RHOT1: variants seen among roughly 807,000 people sequenced by gnomAD.
The protein encoded by RHOT1 is ras homolog family member T1, also known as mitochondrial Rho GTPase 1.
Under a neutral mutation model 95.3 loss-of-function variants are expected in RHOT1, and 27 were observed. The ratio of observed to expected loss-of-function variants is 0.28; its 90% CI spans 0.21 to 0.39. The LOEUF (loss-of-function observed/expected upper bound fraction) is 0.39. Ranked by LOEUF, RHOT1 falls within the 10% of genes least tolerant of loss-of-function variation. RHOT1 has a pLI of 1.00. For missense variants in RHOT1, 578 were observed against 786.7 expected, an observed-to-expected ratio of 0.73 and a Z score of 3.17; for synonymous variants, 227 against 263.5, an observed-to-expected ratio of 0.86 and a Z score of 1.34.
rs756715681 is a variant in RHOT1 at position 32,193,125 on chromosome 17, T to C, written c.640-11T>C. The C allele has an allele frequency of 6.5e-7, 1 of 1,539,312 alleles. No homozygotes were observed. The highest frequency in any genetic ancestry group is 1.8e-5 in the Admixed American group (1 of 56,254). ...GTTTGTTTTTAAATATATTTTTATGTTTTTTGCTAGAGGATTTGTTTCAAC... is the reference window on the plus strand; with the variant it reads ...GTTTGTTTTTAAATATATTTTTATGCTTTTTGCTAGAGGATTTGTTTCAAC... On this transcript the variant is annotated splice_polypyrimidine_tract_variant and intron_variant, in intron 9 of 19. Coordinates refer to ENST00000545287, the MANE Select transcript of RHOT1 (RefSeq NM_001033566.3).
intron 10 of RHOT1, 100 bp from the exon 11 acceptor site, chr17:32,193,887 T>C (rs1187001492): frequency 7.1e-7 from 1 of 1,399,272 alleles, no homozygotes; most frequent in Non-Finnish European, 9.7e-7. Context: ...AATGCAAAGC[T>C]AGCATCCGTA....
At chr17:32,176,106 G>C in intron 5 of RHOT1, 55 bp from the exon 6 acceptor site, 1 of 1,587,572 alleles carries the variant, frequency 6.3e-7, no homozygotes, top group Non-Finnish European at 8.6e-7. Flanking sequence ...TCTAAGGGAA[G>C]AGTGTTTTGT....
chr17:32,159,793 TTGGCA>T (rs1432851414), intron 1 of RHOT1: 1 of 152,414 alleles, frequency 6.6e-6, no homozygotes, highest in East Asian at 1.9e-4. Flanking sequence ...CAGGTACCCT[TTGGCA>T]TGGCCTTGGC....
intron 4 of RHOT1, among the ~76,000 whole-genome samples, chr17:32,175,658 G>T (rs941048528): frequency 2.6e-5 from 4 of 152,146 alleles, no homozygotes; most frequent in African/African-American, 9.7e-5. Context: ...GTTTTGCCAT[G>T]TTAACCAGGC....
chr17:32,149,106 T>C (rs2031823750), intron 1 of RHOT1, among the ~76,000 whole-genome samples: 1 of 152,158 alleles, frequency 6.6e-6, no homozygotes, highest in Admixed American at 6.6e-5. Flanking sequence ...TCAGGCAAAA[T>C]AGAAGAAATA....
At chr17:32,177,647 C>A (rs542302846) in intron 6 of RHOT1, among the ~76,000 whole-genome samples, 2 of 149,340 alleles carry the variant, frequency 1.3e-5, no homozygotes, top group Non-Finnish European at 3.0e-5. Context: ...CCCAGCTACT[C>A]GGGAGGCTGA....
intron 8 of RHOT1, among the ~76,000 whole-genome samples, chr17:32,191,249 AT>A (rs1488988411): frequency 3.9e-5 from 6 of 152,108 alleles, no homozygotes; most frequent in Non-Finnish European, 8.8e-5. Flanking sequence ...GAAGATAATT[AT>A]TTTCTTTCCT....
intron 1 of RHOT1, among the ~76,000 whole-genome samples, chr17:32,169,638 C>A (rs1207814680): frequency 6.6e-6 from 1 of 152,144 alleles, no homozygotes; most frequent in Non-Finnish European, 1.5e-5. Flanking sequence ...TAAAAAAGAT[C>A]TTGTGCACTA....
chr17:32,185,985 G>A (rs1010913390), intron 8 of RHOT1, among the ~76,000 whole-genome samples: 2 of 152,058 alleles, frequency 1.3e-5, no homozygotes, highest in African/African-American at 4.8e-5. Flanking sequence ...GCCTCTCAGA[G>A]TGCTGGCATT....
At chr17:32,167,077 A>G (rs908826411) in intron 1 of RHOT1, among the ~76,000 whole-genome samples, 2 of 152,228 alleles carry the variant, frequency 1.3e-5, no homozygotes, top group African/African-American at 4.8e-5. Context: ...TCCTTGAACC[A>G]TGGACTGCAG....
At chr17:32,192,115 T>C (rs2036531506) in intron 8 of RHOT1, 86 bp from the exon 9 acceptor site, 2 of 711,116 alleles carry the variant, frequency 2.8e-6, no homozygotes, top group South Asian at 1.9e-5. Flanking sequence ...GTATTTGATA[T>C]TATGTAAAAA....
chr17:32,147,498 T>C (rs1216858030), intron 1 of RHOT1, among the ~76,000 whole-genome samples: 2 of 151,988 alleles, frequency 1.3e-5, no homozygotes, highest in African/African-American at 4.8e-5. Flanking sequence ...GCCATATTGC[T>C]TTCCATTCTG....
intron 6 of RHOT1, among the ~76,000 whole-genome samples, chr17:32,180,637 TA>T (rs1273650499): frequency 5.5e-4 from 26 of 47,578 alleles, no homozygotes; most frequent in African/African-American, 8.8e-4. Flanking sequence ...CAATAAACAT[TA>T]AAAAAAAAAG....
chr17:32,148,359 T>C (rs1055782193), intron 1 of RHOT1, among the ~76,000 whole-genome samples: 19 of 152,252 alleles, frequency 1.2e-4, no homozygotes, highest in African/African-American at 4.3e-4. Flanking sequence ...AAAGTCAAAG[T>C]TCAAACATCC....
At chr17:32,161,061 A>G (rs181648032) in intron 1 of RHOT1, among the ~76,000 whole-genome samples, 2 of 152,328 alleles carry the variant, frequency 1.3e-5, no homozygotes, top group Non-Finnish European at 2.9e-5. Flanking sequence ...AGACAGACCA[A>G]TTCACTGAGA....
chr17:32,148,213 C>G (rs1347377835), intron 1 of RHOT1, among the ~76,000 whole-genome samples: 1 of 151,974 alleles, frequency 6.6e-6, no homozygotes, highest in East Asian at 1.9e-4. Context: ...TGCAGTGAGC[C>G]GAAATCATGC....
At chr17:32,204,847 G>C (rs2037590677) in intron 16 of RHOT1, among the ~76,000 whole-genome samples, 1 of 151,884 alleles carries the variant, frequency 6.6e-6, no homozygotes, top group South Asian at 2.1e-4. Flanking sequence ...GCTGGGCGTG[G>C]TGGCACGTGC....
chr17:32,148,410 T>C (rs1420085556), intron 1 of RHOT1, among the ~76,000 whole-genome samples: 1 of 152,286 alleles, frequency 6.6e-6, no homozygotes, highest in East Asian at 1.9e-4. Context: ...TCTATTCTGT[T>C]CGTACAGAGT....
At position 32,208,158 on chromosome 17, in the gene RHOT1, G is replaced by T; in HGVS notation, c.1588G>T (p.Asp530Tyr). ...IPCLIVAAKS[D>Y]LHEVKQEYSI... ...TTGCTTAATCGTAGCTGCAAAGTCAGACCTGCATGAAGTTAAACAAGAATA... is the reference window on the plus strand; with the variant it reads ...TTGCTTAATCGTAGCTGCAAAGTCATACCTGCATGAAGTTAAACAAGAATA... Residue 530 changes from aspartate to tyrosine, a missense_variant, in exon 18 of 20, where the codon GAC (aspartate) becomes TAC (tyrosine). This residue lies in a region of RHOT1 where 296 missense variants were observed against 338.5 expected (regional missense o/e 0.87). Transcript: ENST00000545287. 1 of 1,614,092 alleles carries T rather than the reference G, an allele frequency of 6.2e-7. No individual in the cohort carries two copies. Among genetic ancestry groups the T allele is most frequent in the South Asian group, 1.1e-5 (1 of 91,082 alleles).
Sources: allele counts gnomAD v4.1 joint callset (sites outside exome capture counted in the v4.1 genomes callset), GRCh38; gene constraint gnomAD v4.1.1; regional missense constraint gnomAD v4.1.1; transcripts MANE v1.5; gene names NCBI Gene and HGNC (gene_info 2026-07-23, HGNC 2026-07-21).